Variants in STK39 observed in about 807,000 individuals in gnomAD.
The protein encoded by STK39 is serine/threonine kinase 39, also known as STE20/SPS1-related proline-alanine-rich protein kinase.
STK39 carries 20 observed loss-of-function variants against 77.8 expected under a neutral mutation model. The observed-to-expected ratio is 0.26, with a 90% CI of 0.18 to 0.37. The LOEUF (loss-of-function observed/expected upper bound fraction) is 0.37. Ranked by LOEUF, STK39 falls within the 10% of genes least tolerant of loss-of-function variation. STK39 has a pLI of 1.00. For missense variants in STK39, 479 were observed against 656.5 expected (o/e 0.73, Z 2.95); for synonymous variants, 246 against 234.1 (o/e 1.05, Z -0.47).
At chr2:168,172,765 C>T (rs1408296887) in intron 2 of STK39, among the ~76,000 whole-genome samples, 1 of 152,124 alleles carries the variant, frequency 6.6e-6, no homozygotes, top group Non-Finnish European at 1.5e-5. Context: ...ATAAATTATT[C>T]TTTATCTGAT....
chr2:167,980,955 C>T (rs972869251), intron 16 of STK39, among the ~76,000 whole-genome samples: 1 of 150,950 alleles, frequency 6.6e-6, no homozygotes, highest in Non-Finnish European at 1.5e-5. Flanking sequence ...GTGAAATGTA[C>T]AGAGTAAGAG....
In STK39 at chr2:168,247,463, C is replaced by A. The variant is rs1461393875; in HGVS notation, c.-28G>T. Reference sequence around the variant, plus strand: ...TGCTGCGGAGGAGAGCAGGAGGACGCGCCGGCCGACGGACGACCTTCCACT... The same window carrying A: ...TGCTGCGGAGGAGAGCAGGAGGACGAGCCGGCCGACGGACGACCTTCCACT... On this transcript the variant is annotated 5_prime_UTR_variant, in exon 1 of 18. Coordinates refer to ENST00000355999, the MANE Select transcript of STK39 (RefSeq NM_013233.3). 7 of 1,304,608 alleles carry A rather than the reference C, an allele frequency of 5.4e-6. No individual in the cohort carries two copies. The highest frequency in any genetic ancestry group is 3.7e-5 in the East Asian group (1 of 27,070). 80.8% of individuals were successfully genotyped at this position (1,304,608 alleles called of 1,614,324 possible). A position where few individuals can be genotyped will look rare whatever the true frequency, so the allele number is the denominator to read the frequency against.
intron 1 of STK39, among the ~76,000 whole-genome samples, chr2:168,189,083 G>A (rs1342585517): frequency 6.6e-6 from 1 of 152,066 alleles, no homozygotes; most frequent in Middle Eastern, 3.2e-3. Flanking sequence ...AAGATTTAGA[G>A]CTTACCAAAA....
intron 14 of STK39, among the ~76,000 whole-genome samples, chr2:168,045,747 C>T (rs1188376942): frequency 6.6e-6 from 1 of 152,172 alleles, no homozygotes; most frequent in Non-Finnish European, 1.5e-5. Flanking sequence ...AAATATCATG[C>T]TACTCCTTTA....
chr2:168,213,620 A>C (rs1222656429), intron 1 of STK39, among the ~76,000 whole-genome samples: 1 of 148,620 alleles, frequency 6.7e-6, no homozygotes. Flanking sequence ...CAGGAGGTGG[A>C]GGTTGCAGTG....
intron 5 of STK39, among the ~76,000 whole-genome samples, chr2:168,156,349 AGCTTTATTCCATCAACAAT>A (rs777078906): frequency 9.2e-5 from 14 of 152,316 alleles, no homozygotes; most frequent in South Asian, 4.1e-4. Flanking sequence ...AGGAAGCTGG[AGCTTTATTCCATCAACAAT>A]GCTTTATTCC....
intron 14 of STK39, among the ~76,000 whole-genome samples, chr2:168,025,283 T>A (rs1339391808): frequency 6.6e-6 from 1 of 152,210 alleles, no homozygotes; most frequent in Non-Finnish European, 1.5e-5. Flanking sequence ...CTCAATGCAA[T>A]GTCCAAAAAG....
chr2:167,971,342 C>G (rs555157182), intron 16 of STK39, among the ~76,000 whole-genome samples: 1 of 152,122 alleles, frequency 6.6e-6, no homozygotes, highest in African/African-American at 2.4e-5. Flanking sequence ...TTACATCTGA[C>G]TAGGTCAGAA....
chr2:167,985,102 T>C (rs1683523226), intron 16 of STK39, among the ~76,000 whole-genome samples: 1 of 152,196 alleles, frequency 6.6e-6, no homozygotes, highest in Non-Finnish European at 1.5e-5. Context: ...CAACTAACCA[T>C]ATGTAGACCT....
At chr2:168,057,464 A>G (rs1685554783) in intron 14 of STK39, among the ~76,000 whole-genome samples, 1 of 152,198 alleles carries the variant, frequency 6.6e-6, no homozygotes, top group African/African-American at 2.4e-5. Flanking sequence ...AAGTGCTGCA[A>G]TTATAGGCGT....
At chr2:168,010,207 T>C (rs993048328) in intron 16 of STK39, among the ~76,000 whole-genome samples, 1 of 152,226 alleles carries the variant, frequency 6.6e-6, no homozygotes, top group African/African-American at 2.4e-5. Flanking sequence ...ACTTGCTGAT[T>C]AATTTTCTAT....
At chr2:168,115,773 G>A (rs980862711) in intron 10 of STK39, among the ~76,000 whole-genome samples, 4 of 152,200 alleles carry the variant, frequency 2.6e-5, no homozygotes, top group Admixed American at 2.6e-4. Context: ...GGTCTGCTCA[G>A]GATGAGAAGA....
intron 14 of STK39, among the ~76,000 whole-genome samples, chr2:168,053,306 C>T (rs1685444121): frequency 6.6e-6 from 1 of 152,072 alleles, no homozygotes; most frequent in Admixed American, 6.5e-5. Context: ...CCAGGACATA[C>T]TACCAAAGTA....
intron 10 of STK39, among the ~76,000 whole-genome samples, chr2:168,117,109 T>A (rs1276413655): frequency 6.6e-6 from 1 of 152,160 alleles, no homozygotes; most frequent in South Asian, 2.1e-4. Flanking sequence ...TATCTAACCA[T>A]TCCATTCTAT....
chr2:168,145,409 GC>G (rs760584662), intron 5 of STK39, among the ~76,000 whole-genome samples: 5 of 152,068 alleles, frequency 3.3e-5, no homozygotes, highest in Admixed American at 6.6e-5. Context: ...CCCACTGTCA[GC>G]ACCCTCCCAC....
intron 10 of STK39, among the ~76,000 whole-genome samples, chr2:168,082,046 CT>C (rs1347943512): frequency 1.3e-5 from 2 of 152,156 alleles, no homozygotes; most frequent in African/African-American, 4.8e-5. Context: ...CTCACAGCCC[CT>C]ATCTTCCTAA....
chr2:168,210,166 A>G (rs1202912108), intron 1 of STK39, among the ~76,000 whole-genome samples: 1 of 152,200 alleles, frequency 6.6e-6, no homozygotes, highest in Non-Finnish European at 1.5e-5. Flanking sequence ...TCCATTGATA[A>G]AATAGGCATA....
chr2:168,150,100 C>T (rs1688240766), intron 5 of STK39, among the ~76,000 whole-genome samples: 1 of 152,198 alleles, frequency 6.6e-6, no homozygotes, highest in Admixed American at 6.5e-5. Context: ...GACTTGAACG[C>T]ACATCGAAGA....
In STK39 at chr2:168,104,484, T is replaced by G. The variant is rs115381132; in HGVS notation, c.1089+25057A>C. On this transcript the variant is annotated intron_variant, in intron 10 of 17. Coordinates refer to ENST00000355999, the MANE Select transcript of STK39 (RefSeq NM_013233.3). Reference sequence around the variant, plus strand: ...TTCAGAAAAGAAAAGCAACAGGAACTGTGAAGGTGTGAGCCCATAGGGGGA... The same window carrying G: ...TTCAGAAAAGAAAAGCAACAGGAACGGTGAAGGTGTGAGCCCATAGGGGGA... Among the ~76,000 whole-genome samples the G allele has an allele frequency of 5.8e-3, 888 of 152,298 alleles. 11 individuals carry two copies. The highest frequency in any genetic ancestry group is 0.02 in the African/African-American group (845 of 41,560).
Sources: gnomAD v4.1 joint callset for allele counts (sites outside exome capture counted in the v4.1 genomes callset) on GRCh38, gnomAD v4.1.1 for gene constraint, MANE v1.5 for transcripts, NCBI Gene and HGNC (gene_info 2026-07-23, HGNC 2026-07-21) for gene names.